The following LRRC4C variants were observed in gnomAD, a reference collection of about 807,000 sequenced individuals.
The protein encoded by LRRC4C is leucine-rich repeat-containing protein 4C.
LRRC4C carries 5 observed loss-of-function variants against 33.6 expected under a neutral mutation model. That is an observed-to-expected ratio of 0.15 (90% confidence interval 0.08 to 0.31). The LOEUF is 0.31. Among genes scored for constraint, LRRC4C ranks in the 10% least tolerant of loss-of-function variants. LRRC4C has a pLI of 1.00. For missense variants in LRRC4C, 560 were observed against 796.7 expected (o/e 0.70, Z 3.58); for synonymous variants, 329 against 302.0 (o/e 1.09, Z -0.93).
chr11:40,876,379 C>T (rs1386003935), intron 2 of LRRC4C, among the ~76,000 whole-genome samples: 3 of 148,800 alleles, frequency 2.0e-5, no homozygotes, highest in Non-Finnish European at 4.4e-5. Context: ...GTTCAAAGTC[C>T]CTGATAATGT....
Position 41,297,518 on chromosome 11 carries a change from G to A in LRRC4C, c.-496+161913C>T, listed in dbSNP as rs770575281. 2.0e-5 allele frequency among the ~76,000 whole-genome samples: 3 copies of A among 152,124 alleles called. No homozygotes were observed. In the South Asian group the frequency reaches 6.2e-4, roughly 32 times the overall value. ...GAAGAAGAGGGTGGAACAAGTAGAA[G>A]TCACCTTAGTATTGAATAAAAACTT... On this transcript the variant is annotated intron_variant, in intron 1 of 6. Coordinates refer to ENST00000528697, the MANE Select transcript of LRRC4C (RefSeq NM_001258419.2).
chr11:40,216,225 T>C (rs924166741), intron 5 of LRRC4C, among the ~76,000 whole-genome samples: 1 of 152,182 alleles, frequency 6.6e-6, no homozygotes, highest in Non-Finnish European at 1.5e-5. Flanking sequence ...AGTTTAAAAA[T>C]GTAGTCTTCA....
chr11:40,730,487 G>A (rs1002077221), intron 2 of LRRC4C, among the ~76,000 whole-genome samples: 3 of 152,120 alleles, frequency 2.0e-5, no homozygotes, highest in Non-Finnish European at 2.9e-5. Context: ...GACTGTGGAA[G>A]ACCTATAAAC....
At chr11:41,097,820 C>A (rs1399874835) in intron 1 of LRRC4C, among the ~76,000 whole-genome samples, 1 of 152,080 alleles carries the variant, frequency 6.6e-6, no homozygotes, top group Non-Finnish European at 1.5e-5. Flanking sequence ...ACACCAAGAC[C>A]ACTGTACGTA....
intron 3 of LRRC4C, among the ~76,000 whole-genome samples, chr11:40,470,033 T>C (rs1952849304): frequency 1.3e-5 from 2 of 152,114 alleles, no homozygotes; most frequent in Admixed American, 1.3e-4. Context: ...CGAGCTCTGC[T>C]AAGGGACAGA....
At chr11:40,150,735 C>T (rs916550162) in intron 5 of LRRC4C, among the ~76,000 whole-genome samples, 4 of 152,100 alleles carry the variant, frequency 2.6e-5, no homozygotes, top group Non-Finnish European at 5.9e-5. Flanking sequence ...AGCCACCGTG[C>T]CCAGCCTGAT....
chr11:40,332,410 A>G (rs913964399), intron 3 of LRRC4C, among the ~76,000 whole-genome samples: 6 of 152,192 alleles, frequency 3.9e-5, no homozygotes, highest in African/African-American at 1.2e-4. Flanking sequence ...GACACCAGTC[A>G]TTGGAGTTAG....
At chr11:40,327,833 A>G (rs1946171787) in intron 3 of LRRC4C, among the ~76,000 whole-genome samples, 1 of 152,072 alleles carries the variant, frequency 6.6e-6, no homozygotes, top group Admixed American at 6.6e-5. Context: ...AAAATTAATA[A>G]CAAAAACAAT....
Position 40,172,648 on chromosome 11 carries a change from T to C in LRRC4C, c.-95-31795A>G, listed in dbSNP as rs113393573. On this transcript the variant is annotated intron_variant, in intron 5 of 6. Coordinates refer to ENST00000528697, the MANE Select transcript of LRRC4C (RefSeq NM_001258419.2). ...AACTCCCTTTCCTTCAACTGACATA[T>C]ACCTGTCTCCTAGTTATTCAAGTCT... Among the ~76,000 whole-genome samples the C allele has an allele frequency of 6.6e-5, 10 of 152,154 alleles. 1 individual carries two copies. The highest frequency in any genetic ancestry group is 2.4e-4 in the African/African-American group (10 of 41,504).
intron 2 of LRRC4C, among the ~76,000 whole-genome samples, chr11:40,755,458 G>A (rs1948902804): frequency 6.6e-6 from 1 of 151,998 alleles, no homozygotes; most frequent in African/African-American, 2.4e-5. Context: ...AAAGGTGAGC[G>A]GTGTATATCT....
At chr11:41,328,117 A>G (rs1951179074) in intron 1 of LRRC4C, among the ~76,000 whole-genome samples, 1 of 152,092 alleles carries the variant, frequency 6.6e-6, no homozygotes, top group Admixed American at 6.5e-5. Context: ...AAGCAAATAA[A>G]TTGCTGCAGG....
intron 2 of LRRC4C, among the ~76,000 whole-genome samples, chr11:40,723,733 A>C (rs1947144742): frequency 6.6e-6 from 1 of 152,178 alleles, no homozygotes; most frequent in South Asian, 2.1e-4. Flanking sequence ...TAACACCATC[A>C]TGACAGGAGA....
chr11:41,069,651 T>C (rs1022904492), intron 1 of LRRC4C, among the ~76,000 whole-genome samples: 4 of 152,224 alleles, frequency 2.6e-5, no homozygotes, highest in African/African-American at 9.6e-5. Flanking sequence ...AAATCATGAA[T>C]GAACCCCCAT....
At chr11:40,829,259 A>G (rs1200612111) in intron 2 of LRRC4C, among the ~76,000 whole-genome samples, 1 of 152,024 alleles carries the variant, frequency 6.6e-6, no homozygotes, top group Non-Finnish European at 1.5e-5. Flanking sequence ...AATTGAAAAT[A>G]TGCTTTTGAA....
intron 3 of LRRC4C, among the ~76,000 whole-genome samples, chr11:40,415,567 T>C (rs1297547691): frequency 6.6e-6 from 1 of 152,136 alleles, no homozygotes; most frequent in Non-Finnish European, 1.5e-5. Context: ...CTGATGGGCC[T>C]TAGAGGCAAC....
chr11:41,116,181 A>C (rs1484205972), intron 1 of LRRC4C, among the ~76,000 whole-genome samples: 2 of 152,156 alleles, frequency 1.3e-5, no homozygotes, highest in Admixed American at 1.3e-4. Context: ...AGCATTTAAG[A>C]CTACAAGCTT....
chr11:41,051,754 C>A (rs1590362431), intron 1 of LRRC4C, among the ~76,000 whole-genome samples: 1 of 151,968 alleles, frequency 6.6e-6, no homozygotes, highest in South Asian at 2.1e-4. Context: ...TTAAATTCAA[C>A]CTTGTTCTTC....
chr11:40,965,606 C>A (rs1358009946), intron 1 of LRRC4C, among the ~76,000 whole-genome samples: 2 of 152,248 alleles, frequency 1.3e-5, no homozygotes, highest in South Asian at 4.1e-4. Flanking sequence ...GTTTTCCCAG[C>A]ACCATTTATT....
At chr11:40,544,621 T>G (rs1053316314) in intron 3 of LRRC4C, among the ~76,000 whole-genome samples, 2 of 152,070 alleles carry the variant, frequency 1.3e-5, no homozygotes, top group African/African-American at 4.8e-5. Flanking sequence ...ATTACCAAAT[T>G]AGGGATGTAG....
Sources: allele counts gnomAD v4.1 joint callset (sites outside exome capture counted in the v4.1 genomes callset), GRCh38; gene constraint gnomAD v4.1.1; transcripts MANE v1.5; gene names NCBI Gene and HGNC (gene_info 2026-07-23, HGNC 2026-07-21).